TTC13: variants seen among roughly 807,000 people sequenced by gnomAD.
The protein encoded by TTC13 is tetratricopeptide repeat protein 13.
In TTC13, 62 loss-of-function variants were observed where a neutral mutation model predicts 120.0. The observed-to-expected ratio is 0.52, with a 90% CI of 0.42 to 0.64. TTC13 has a LOEUF of 0.64. TTC13 is among the 30% of genes least tolerant of loss of function. The pLI, the probability that TTC13 is intolerant of heterozygous loss-of-function variation, is 0.00. For missense variants in TTC13, 824 were observed against 1,050.2 expected (o/e 0.78, Z 2.98); for synonymous variants, 384 against 393.5 (o/e 0.98, Z 0.28).
intron 17 of TTC13, among the ~76,000 whole-genome samples, chr1:230,917,249 C>G (rs1672122579): frequency 6.6e-6 from 1 of 152,180 alleles, no homozygotes; most frequent in Non-Finnish European, 1.5e-5. Context: ...CTCATCTAAT[C>G]CTCACAACAT....
chr1:230,948,341 T>C (rs1429303317), intron 4 of TTC13, among the ~76,000 whole-genome samples: 1 of 125,224 alleles, frequency 8.0e-6, no homozygotes, highest in Admixed American at 9.4e-5. Flanking sequence ...AAAAAAAAAG[T>C]GCTAATCTTG....
At chr1:230,964,526 T>C (rs1183214194) in intron 1 of TTC13, among the ~76,000 whole-genome samples, 3 of 152,194 alleles carry the variant, frequency 2.0e-5, no homozygotes, top group African/African-American at 7.2e-5. Flanking sequence ...AAATCACTTA[T>C]ATCCTTTGCT....
At position 230,961,283 on chromosome 1, in the gene TTC13, G is replaced by C; in HGVS notation, c.292C>G (p.His98Asp). 1 of 1,613,746 alleles carries C rather than the reference G, an allele frequency of 6.2e-7. No homozygotes were observed. The highest frequency in any genetic ancestry group is 8.5e-7 in the Non-Finnish European group (1 of 1,179,804). Residue 98 changes from histidine (H) to aspartate (D), a missense_variant, in exon 2 of 23, where the codon CAT (histidine) becomes GAT (aspartate). Physicochemically the swap from His to Asp is moderately conservative, Grantham distance 81 (BLOSUM62 -1). This residue lies in a region of TTC13 where 160 missense variants were observed against 137.2 expected (regional missense o/e 1.17). Coordinates refer to ENST00000366661, the MANE Select transcript of TTC13 (RefSeq NM_024525.5). ...CCCTTGGGTTCGCAGTCTGAGTCAT[G>C]GAAGTTCAAAAAGGATGACTCTGAA... ...ECGESSFLNF[H>D]DSDCEPKGSS...
At chr1:230,921,797 G>A (rs1052263690) in intron 15 of TTC13, among the ~76,000 whole-genome samples, 1 of 152,146 alleles carries the variant, frequency 6.6e-6, no homozygotes, top group African/African-American at 2.4e-5. Context: ...TTTCATATCA[G>A]CGTCCTCTGA....
chr1:230,925,006 C>T, intron 13 of TTC13, 33 bp from the exon 14 acceptor site: 3 of 1,613,172 alleles, frequency 1.9e-6, no homozygotes, highest in Non-Finnish European at 1.7e-6. Context: ...AGAGTTAGTA[C>T]ACTTTAGAGG....
intron 1 of TTC13, among the ~76,000 whole-genome samples, chr1:230,965,820 T>A (rs529498461): frequency 1.4e-5 from 2 of 138,676 alleles, no homozygotes; most frequent in African/African-American, 5.0e-5. Context: ...TAATTTTTCA[T>A]TTTTATTTTT....
chr1:230,940,635 C>T lies in TTC13; in HGVS notation c.673-79G>A, dbSNP rs1674449327. The T allele has an allele frequency of 1.1e-6, 1 of 892,440 alleles. No homozygotes were observed. The highest frequency in any genetic ancestry group is 1.8e-6 in the Non-Finnish European group (1 of 545,782). 55.3% of individuals were successfully genotyped at this position (892,440 alleles called of 1,614,324 possible). A position where few individuals can be genotyped will look rare whatever the true frequency, so the allele number is the denominator to read the frequency against. The stretch of plus-strand genomic sequence containing the variant: ...CCCAATGTTTTTGACTCTTCAATTC[C>T]ACCTCACCATACTCCACTCAAAAAT... On this transcript the variant is annotated intron_variant, in intron 6 of 22. Transcript: ENST00000366661. The surrounding 1 kb of genome is among the most constrained non-coding windows in gnomAD (Gnocchi z 4.1).
intron 1 of TTC13, among the ~76,000 whole-genome samples, chr1:230,962,864 A>G (rs1366557101): frequency 6.6e-6 from 1 of 152,226 alleles, no homozygotes; most frequent in Non-Finnish European, 1.5e-5. Context: ...GACTCCATCT[A>G]TATGAAATGT....
chr1:230,939,318 GAA>G, intron 8 of TTC13, 66 bp downstream of exon 8: 1 of 956,704 alleles, frequency 1.0e-6, no homozygotes, highest in East Asian at 2.5e-5. Flanking sequence ...TCAATCAAAC[GAA>G]ATTCCTCCCA....
At position 230,954,401 on chromosome 1, in the gene TTC13, T is replaced by C. The variant is rs1051777572; in HGVS notation, c.445A>G (p.Ile149Val). 6.2e-7 allele frequency: 1 copy of C among 1,608,644 alleles called. No homozygotes were observed. Among genetic ancestry groups the C allele is most frequent in the Non-Finnish European group, 8.5e-7 (1 of 1,176,650 alleles). ...CCACTGCCAATCAAGACATAAGCAA[T>C]AGCTATGAAACAAAATACAAAAATA... The part of the protein sequence containing the change: ...DNDSTNEELA[I>V]AYVLIGSGLY... Residue 149 changes from isoleucine (I) to valine (V), a missense_variant and splice_region_variant, in exon 4 of 23, where the codon ATT becomes GTT. Ile to Val is a conservative substitution (Grantham distance 29). Coordinates refer to ENST00000366661, the MANE Select transcript of TTC13 (RefSeq NM_024525.5).
intron 14 of TTC13, 140 bp downstream of exon 14, chr1:230,924,697 TAACA>T: frequency 1.2e-6 from 1 of 851,746 alleles, no homozygotes; most frequent in Non-Finnish European, 1.8e-6. Flanking sequence ...CAGCAATTTC[TAACA>T]AACTTTAGAG....
At chr1:230,947,294 G>A (rs914419115) in intron 4 of TTC13, among the ~76,000 whole-genome samples, 7 of 152,024 alleles carry the variant, frequency 4.6e-5, no homozygotes, top group Non-Finnish European at 8.8e-5. Context: ...GGTGTCAGGG[G>A]GAAAAGGGGA....
At chr1:230,955,186 G>A (rs574779086) in intron 3 of TTC13, among the ~76,000 whole-genome samples, 127 of 152,048 alleles carry the variant, frequency 8.4e-4, no homozygotes, top group African/African-American at 2.0e-3. Context: ...CCTTAGCCCC[G>A]CCAAAATCCC....
chr1:230,950,963 C>T (rs1413615250), intron 4 of TTC13, among the ~76,000 whole-genome samples: 1 of 152,216 alleles, frequency 6.6e-6, no homozygotes, highest in East Asian at 1.9e-4. Flanking sequence ...AGAAGCAACA[C>T]TAACTTATAA....
intron 8 of TTC13, among the ~76,000 whole-genome samples, chr1:230,937,360 T>C: frequency 6.6e-6 from 1 of 152,186 alleles, no homozygotes; most frequent in Non-Finnish European, 1.5e-5. Context: ...TGGTATTTTT[T>C]GTATTTGTAA....
At chr1:230,911,306 G>A in intron 20 of TTC13, 164 bp downstream of exon 20, 1 of 520,252 alleles carries the variant, frequency 1.9e-6, no homozygotes, top group South Asian at 3.2e-5. Flanking sequence ...TTTTGCTGAT[G>A]TGATAGACTA....
chr1:230,959,663 G>A (rs1676443472), intron 2 of TTC13, among the ~76,000 whole-genome samples: 1 of 152,258 alleles, frequency 6.6e-6, no homozygotes, highest in Admixed American at 6.5e-5. Context: ...TTACAGGCGT[G>A]AGCCACTGCA....
At chr1:230,924,336 T>C (rs936385584) in intron 14 of TTC13, among the ~76,000 whole-genome samples, 2 of 151,062 alleles carry the variant, frequency 1.3e-5, no homozygotes, top group African/African-American at 4.9e-5. Context: ...AATCAATTCG[T>C]TTTTTTTGTT....
At chr1:230,975,382 T>C (rs1398899268) in intron 1 of TTC13, among the ~76,000 whole-genome samples, 1 of 151,832 alleles carries the variant, frequency 6.6e-6, no homozygotes, top group African/African-American at 2.4e-5. Context: ...TCTAAAAAAA[T>C]AGAAAAAACA....
Sources: gnomAD v4.1 joint callset for allele counts (sites outside exome capture counted in the v4.1 genomes callset) on GRCh38, gnomAD v4.1.1 for gene constraint, gnomAD v4.1.1 regional missense constraint, Gnocchi (gnomAD v3.1) non-coding constraint, MANE v1.5 for transcripts, NCBI Gene and HGNC (gene_info 2026-07-23, HGNC 2026-07-21) for gene names.